The following TAF1 variants were observed in gnomAD, a reference collection of about 807,000 sequenced individuals.
TAF1 encodes the protein TATA-box binding protein associated factor 1, also known as transcription initiation factor TFIID subunit 1.
A neutral mutation model predicts 138.5 loss-of-function variants in TAF1; 2 were observed. The ratio of observed to expected loss-of-function variants is 0.01; its 90% CI spans 0.01 to 0.05. The LOEUF (loss-of-function observed/expected upper bound fraction) is 0.05. TAF1 is among the 10% of genes least tolerant of loss of function. The pLI is 1.00. For missense variants in TAF1, 709 were observed against 1,478.0 expected (o/e 0.48, Z 8.53); for synonymous variants, 437 against 503.2 (o/e 0.87, Z 1.76).
intron 13 of TAF1, among the ~76,000 whole-genome samples, chrX:71,478,159 C>T (rs1212079139): frequency 9.1e-6 from 1 of 110,413 alleles, no homozygotes; most frequent in Non-Finnish European, 1.9e-5. Context: ...CGAGACTAGC[C>T]CAGCCAACAT....
chrX:71,427,596 T>C (rs1303906803), intron 32 of TAF1, among the ~76,000 whole-genome samples: 1 of 111,424 alleles, frequency 9.0e-6, no homozygotes, highest in African/African-American at 3.3e-5. Flanking sequence ...AGAGAAAAAT[T>C]AAATAGCTAA....
intron 13 of TAF1, chrX:71,492,959 GCGGCTGGAAGCGCAATGCC>G (rs2039322997): frequency 5.3e-5 from 6 of 112,549 alleles, no homozygotes; most frequent in Middle Eastern, 4.7e-3. Flanking sequence ...GCATTGCTCC[GCGGCTGGAAGCGCAATGCC>G]CTTCTCACTG....
chrX:71,524,271 A>G (rs1009486722), intron 13 of TAF1, among the ~76,000 whole-genome samples: 9 of 109,928 alleles, frequency 8.2e-5, no homozygotes, highest in African/African-American at 3.0e-4. Context: ...AGCTCAGGCA[A>G]TCTGCCCATC....
chrX:71,436,892 T>C (rs2037173603), intron 32 of TAF1, among the ~76,000 whole-genome samples: 2 of 112,005 alleles, frequency 1.8e-5, no homozygotes, highest in African/African-American at 6.5e-5. Flanking sequence ...ATTGAGACCT[T>C]ATTTAATTTA....
At chrX:71,468,810 T>A (rs186893797), downstream of TAF1, among the ~76,000 whole-genome samples, 7 of 107,182 alleles carry the variant, frequency 6.5e-5, no homozygotes, top group East Asian at 2.1e-3. Context: ...CTGGGCAGCA[T>A]GGTAAAACCC....
At chrX:71,389,862 T>G (rs960537633) in intron 18 of TAF1, 197 bp downstream of exon 18, 3 of 304,037 alleles carry the variant, frequency 9.9e-6, no homozygotes, top group African/African-American at 5.6e-5. Context: ...GTTTGTTTTT[T>G]TTTGTTTGTT....
chrX:71,503,147 T>G (rs1350195155), intron 13 of TAF1, among the ~76,000 whole-genome samples: 1 of 105,890 alleles, frequency 9.4e-6, no homozygotes, highest in African/African-American at 3.4e-5. Context: ...GGTGTGTGCC[T>G]GTAATCCCAG....
chrX:71,417,906 C>T (rs750033510), intron 28 of TAF1, among the ~76,000 whole-genome samples: 1 of 111,278 alleles, frequency 9.0e-6, no homozygotes, highest in Admixed American at 9.6e-5. Flanking sequence ...TAGACACATA[C>T]AGAAATAAAA....
At chrX:71,463,784 TG>T (rs780305910) in intron 37 of TAF1, 39 bp from the exon 38 acceptor site, 33 of 1,172,300 alleles carry the variant, frequency 2.8e-5, no homozygotes, top group Non-Finnish European at 3.8e-5. Context: ...AGGTAGAGGA[TG>T]GTGTCCGAGC....
At chrX:71,440,845 TG>T (rs774515200) in intron 32 of TAF1, among the ~76,000 whole-genome samples, 2 of 111,693 alleles carry the variant, frequency 1.8e-5, no homozygotes, top group South Asian at 3.7e-4. Flanking sequence ...TCAAATACAT[TG>T]TGTTTTTCTA....
At chrX:71,447,955 A>G (rs762141884) in intron 32 of TAF1, among the ~76,000 whole-genome samples, 1 of 111,930 alleles carries the variant, frequency 8.9e-6, no homozygotes, top group East Asian at 2.8e-4. Flanking sequence ...GTATAAATAA[A>G]TAACGTTTCT....
At chrX:71,441,605 GTAT>G (rs1282124830) in intron 32 of TAF1, 7 of 274,712 alleles carry the variant, frequency 2.5e-5, no homozygotes, top group African/African-American at 3.0e-5. Context: ...ACTATATATT[GTAT>G]TATTATTAAC....
intron 13 of TAF1, among the ~76,000 whole-genome samples, chrX:71,519,960 C>T (rs1602110184): frequency 9.2e-6 from 1 of 108,602 alleles, no homozygotes; most frequent in East Asian, 3.0e-4. Context: ...TGCCCACCAC[C>T]ATGCCTGGCT....
downstream of TAF1, among the ~76,000 whole-genome samples, chrX:71,467,083 A>AT (rs1473568310): frequency 2.8e-3 from 250 of 89,539 alleles, 2 homozygotes; most frequent in African/African-American, 9.9e-3. Context: ...ATGGGAGGGC[A>AT]TTCTTTTTTT....
At chrX:71,452,167 C>T (rs1803099060) in intron 32 of TAF1, among the ~76,000 whole-genome samples, 1 of 109,030 alleles carries the variant, frequency 9.2e-6, no homozygotes, top group Admixed American at 9.5e-5. Context: ...GGCTGACCCC[C>T]CCACCTCCCT....
intron 25 of TAF1, among the ~76,000 whole-genome samples, chrX:71,405,733 G>C (rs1011883885): frequency 1.8e-5 from 2 of 112,153 alleles, no homozygotes; most frequent in Non-Finnish European, 3.8e-5. Context: ...TGGGCCGGAC[G>C]TGGTGGCTCA....
chrX:71,403,658 C>T (rs1361855893), intron 25 of TAF1, among the ~76,000 whole-genome samples: 2 of 110,924 alleles, frequency 1.8e-5, no homozygotes, highest in Non-Finnish European at 3.8e-5. Flanking sequence ...GGTTGATGAC[C>T]ATTGCTTTAT....
intron 24 of TAF1, among the ~76,000 whole-genome samples, chrX:71,399,253 CTT>C (rs1159549890): frequency 1.4e-5 from 1 of 70,340 alleles, no homozygotes. Flanking sequence ...CATTTATTCT[CTT>C]TTTTTTTTTT....
intron 3 of TAF1, among the ~76,000 whole-genome samples, chrX:71,372,457 AAGAT>A (rs1284080341): frequency 4.8e-5 from 5 of 104,903 alleles, no homozygotes; most frequent in African/African-American, 1.4e-4. Context: ...AAAAAAAAAA[AAGAT>A]AGCTAGGGTC....
Sources: allele counts gnomAD v4.1 joint callset (sites outside exome capture counted in the v4.1 genomes callset), GRCh38; gene constraint gnomAD v4.1.1; transcripts MANE v1.5; gene names NCBI Gene and HGNC (gene_info 2026-07-23, HGNC 2026-07-21).